The following CTNNB1 variants were observed in gnomAD, a reference collection of about 807,000 sequenced individuals.
The protein encoded by CTNNB1 is catenin beta-1.
CTNNB1 carries 6 observed loss-of-function variants against 82.5 expected under a neutral mutation model. That is an observed-to-expected ratio of 0.07 (90% CI 0.04 to 0.14). The LOEUF is 0.14. Ranked by LOEUF, CTNNB1 falls within the 10% of genes least tolerant of loss-of-function variation. The pLI, the probability that CTNNB1 is intolerant of heterozygous loss-of-function variation, is 1.00. For missense variants in CTNNB1, 529 were observed against 980.4 expected, an observed-to-expected ratio of 0.54 and a Z score of 6.15; for synonymous variants, 312 against 329.7, an observed-to-expected ratio of 0.95 and a Z score of 0.58.
intron 1 of CTNNB1, among the ~76,000 whole-genome samples, chr3:41,213,174 A>T (rs1010278578): frequency 6.6e-6 from 1 of 152,320 alleles, no homozygotes; most frequent in Non-Finnish European, 1.5e-5. Context: ...CTTTTCCTCT[A>T]TAATCAAACT....
At chr3:41,218,445 A>G (rs1328550166) in intron 1 of CTNNB1, among the ~76,000 whole-genome samples, 3 of 152,198 alleles carry the variant, frequency 2.0e-5, no homozygotes, top group Non-Finnish European at 2.9e-5. Context: ...TTACTCTCGT[A>G]TGTATCTCAT....
At chr3:41,214,036 G>T (rs913090258) in intron 1 of CTNNB1, among the ~76,000 whole-genome samples, 1 of 152,198 alleles carries the variant, frequency 6.6e-6, no homozygotes. Flanking sequence ...TTAAGAATCT[G>T]TGTTGTCTTA....
chr3:41,200,702 T>G (rs2077509662), intron 1 of CTNNB1, among the ~76,000 whole-genome samples: 1 of 152,240 alleles, frequency 6.6e-6, no homozygotes. Flanking sequence ...CAGTGTTTTG[T>G]CTGGAGAGAG....
intron 1 of CTNNB1, among the ~76,000 whole-genome samples, chr3:41,220,365 A>G (rs1353913566): frequency 3.3e-5 from 5 of 151,934 alleles, no homozygotes; most frequent in Admixed American, 6.6e-5. Context: ...ATGACAAGAC[A>G]CCTTGAGAAC....
intron 7 of CTNNB1, 106 bp downstream of exon 7, chr3:41,227,458 G>T: frequency 8.3e-7 from 1 of 1,209,050 alleles, no homozygotes; most frequent in Non-Finnish European, 1.2e-6. Context: ...GAAAATAAAT[G>T]GTCCTATTCA....
At chr3:41,214,566 CTT>C (rs905301677) in intron 1 of CTNNB1, among the ~76,000 whole-genome samples, 13 of 152,168 alleles carry the variant, frequency 8.5e-5, no homozygotes, top group South Asian at 6.2e-4. Flanking sequence ...GGGGGGAACA[CTT>C]TGTGATTTCT....
intron 1 of CTNNB1, chr3:41,200,439 T>A (rs951020292): frequency 1.3e-5 from 2 of 152,306 alleles, no homozygotes; most frequent in African/African-American, 2.4e-5. Flanking sequence ...GTAGTGGGTA[T>A]GAGACCCTGG....
At chr3:41,214,979 T>C (rs2077880887) in intron 1 of CTNNB1, among the ~76,000 whole-genome samples, 2 of 152,028 alleles carry the variant, frequency 1.3e-5, no homozygotes. Flanking sequence ...ACCTAAAATA[T>C]TTACTTTCTG....
chr3:41,206,383 G>T (rs891574310), intron 1 of CTNNB1, among the ~76,000 whole-genome samples: 26 of 151,908 alleles, frequency 1.7e-4, no homozygotes, highest in African/African-American at 6.0e-4. Context: ...TTACTAACAG[G>T]GTTTTGTAAT....
At chr3:41,232,273 A>G (rs2078326948) in intron 7 of CTNNB1, among the ~76,000 whole-genome samples, 1 of 152,152 alleles carries the variant, frequency 6.6e-6, no homozygotes. Flanking sequence ...ATGAAGTCTT[A>G]AAGAGGGGAA....
rs541373393 is a variant in CTNNB1, at chr3:41,219,623, A to C, written c.-48-4398A>C. Reference sequence around the variant, plus strand: ...GTATGTTAGATGTGTGGACATATCTATTAAAAGTTGTGTCAGATAACAGCT... The same window carrying C: ...GTATGTTAGATGTGTGGACATATCTCTTAAAAGTTGTGTCAGATAACAGCT... On this transcript the variant is annotated intron_variant, in intron 1 of 14. Coordinates refer to ENST00000349496, the MANE Select transcript of CTNNB1 (RefSeq NM_001904.4). Among the ~76,000 whole-genome samples, 21 of 152,342 alleles carry C rather than the reference A, an allele frequency of 1.4e-4. No individual in the cohort carries two copies. In the Middle Eastern group the frequency reaches 0.01, roughly 74 times the overall value.
intron 1 of CTNNB1, among the ~76,000 whole-genome samples, chr3:41,204,921 CAATT>C (rs1463808594): frequency 6.6e-6 from 1 of 152,222 alleles, no homozygotes. Context: ...TGCCTTGTGT[CAATT>C]GATTATAGAT....
Position 41,240,040 on chromosome 3 carries a change from GT to G in CTNNB1, c.*699del. On this transcript the variant is annotated 3_prime_UTR_variant, in exon 15 of 15. Transcript: ENST00000349496. Reference sequence around the variant, plus strand: ...GTAACTGTTTTTTAAGTCTCTCGTAGTGTTAAGTTATAGTGAATACTGCTAC... The same window carrying G: ...GTAACTGTTTTTTAAGTCTCTCGTAGGTTAAGTTATAGTGAATACTGCTAC... 1 of 113,178 alleles carries G rather than the reference GT, an allele frequency of 8.8e-6. No individual in the cohort carries two copies. The highest frequency in any genetic ancestry group is 1.7e-5 in the Non-Finnish European group (1 of 60,548). 7.0% of individuals were successfully genotyped at this position (113,178 alleles called of 1,614,324 possible). A position where few individuals can be genotyped will look rare whatever the true frequency, so the allele number is the denominator to read the frequency against.
chr3:41,204,806 G>GT (rs2125586042), intron 1 of CTNNB1, among the ~76,000 whole-genome samples: 1 of 152,306 alleles, frequency 6.6e-6, no homozygotes, highest in South Asian at 2.1e-4. Flanking sequence ...GAAGTACAGT[G>GT]TTTTCATAAT....
At chr3:41,236,095 C>T (rs1272425244) in intron 11 of CTNNB1, 2 of 683,418 alleles carry the variant, frequency 2.9e-6, no homozygotes, top group East Asian at 2.7e-5. Flanking sequence ...CATAGACCCC[C>T]AACCAATTCT....
At chr3:41,213,105 A>T (rs1413015765) in intron 1 of CTNNB1, among the ~76,000 whole-genome samples, 2 of 152,238 alleles carry the variant, frequency 1.3e-5, no homozygotes, top group African/African-American at 4.8e-5. Flanking sequence ...CACTTTTCTT[A>T]CCAAAGGCTA....
chr3:41,211,319 C>A (rs1344991108), intron 1 of CTNNB1, among the ~76,000 whole-genome samples: 4 of 152,204 alleles, frequency 2.6e-5, no homozygotes, highest in Admixed American at 6.5e-5. Context: ...GTCTTCATAT[C>A]CAAAAATATT....
At chr3:41,210,059 A>C (rs2077742783) in intron 1 of CTNNB1, among the ~76,000 whole-genome samples, 1 of 152,236 alleles carries the variant, frequency 6.6e-6, no homozygotes, top group Non-Finnish European at 1.5e-5. Context: ...CACGTAGCTT[A>C]AAACATACAT....
intron 1 of CTNNB1, among the ~76,000 whole-genome samples, chr3:41,223,041 A>G (rs4135367): frequency 0.029 from 4,435 of 152,302 alleles, 210 homozygotes; most frequent in African/African-American, 0.1. Flanking sequence ...TCTGCACTCC[A>G]GCCTGGTTTG....
Sources: allele counts gnomAD v4.1 joint callset (sites outside exome capture counted in the v4.1 genomes callset), GRCh38; gene constraint gnomAD v4.1.1; transcripts MANE v1.5; gene names NCBI Gene and HGNC (gene_info 2026-07-23, HGNC 2026-07-21).